ANKRD26: variants seen among roughly 807,000 people sequenced by gnomAD.
ANKRD26 encodes ankyrin repeat domain 26.
In ANKRD26, 141 loss-of-function variants were observed where a neutral mutation model predicts 208.7. That is an observed-to-expected ratio of 0.68 (90% CI 0.59 to 0.78). ANKRD26 has a LOEUF of 0.78. Ranked by LOEUF, ANKRD26 falls within the 30% of genes least tolerant of loss-of-function variation. The pLI, the probability that ANKRD26 is intolerant of heterozygous loss-of-function variation, is 0.00. For synonymous variants in ANKRD26, 636 were observed against 660.4 expected (o/e 0.96, Z 0.57); for missense variants, 1,889 against 1,938.7 (o/e 0.97, Z 0.48).
intron 33 of ANKRD26, among the ~76,000 whole-genome samples, chr10:27,006,627 A>G (rs370149683): frequency 4.6e-5 from 7 of 152,168 alleles, no homozygotes; most frequent in South Asian, 2.1e-4. Context: ...CTACAGTTCT[A>G]TGGGGATGGC....
chr10:27,053,939 T>TTACATCTTTATCATTG (rs1236358330), intron 15 of ANKRD26, among the ~76,000 whole-genome samples: 7 of 152,368 alleles, frequency 4.6e-5, no homozygotes, highest in African/African-American at 1.4e-4. Context: ...CTGCTACTTT[T>TTACATCTTTATCATTG]TACATCTTTA....
chr10:27,013,001 C>T lies in ANKRD26; in HGVS notation c.4834G>A (p.Val1612Met), dbSNP rs751471164. Residue 1612 changes from valine to methionine, a missense_variant, in exon 32 of 34, where the codon GTG becomes ATG. Val to Met is a conservative substitution (Grantham distance 21). Coordinates refer to ENST00000376087, the MANE Select transcript of ANKRD26 (RefSeq NM_014915.3). Reference sequence around the variant, plus strand: ...TCTAAACTATTATTAAGATTTCCCACACAAGGTGGCTCCATGACTGGCCTG... The same window carrying T: ...TCTAAACTATTATTAAGATTTCCCATACAAGGTGGCTCCATGACTGGCCTG... ...TTRPVMEPPCVGNLNNSLDLN... is the reference protein window; with the variant it reads ...TTRPVMEPPCMGNLNNSLDLN... 9.3e-6 allele frequency: 15 copies of T among 1,613,956 alleles called. No homozygotes were observed. The highest frequency in any genetic ancestry group is 1.2e-5 in the Non-Finnish European group (14 of 1,179,990).
At position 27,066,508 on chromosome 10, in the gene ANKRD26, T is replaced by A. The variant is rs2135490694; in HGVS notation, c.1248A>T (p.Ile416=). 6.2e-7 allele frequency: 1 copy of A among 1,600,004 alleles called. No individual in the cohort carries two copies. Among genetic ancestry groups the A allele is most frequent in the Middle Eastern group, 1.7e-4 (1 of 6,032 alleles). The change falls in exon 11 of 34, where the codon ATA becomes ATT. Residue 416 remains isoleucine (I), a synonymous_variant. Transcript: ENST00000376087. ...GTACCTCAGAATCCCAAGGTGATTC[T>A]ATATCTTCCTCTTGTCCTAATCCTA... ...SALGLGQEED[I]ESPWDSESIS...
intron 18 of ANKRD26, among the ~76,000 whole-genome samples, chr10:27,045,539 T>C (rs571625970): frequency 6.6e-6 from 1 of 152,140 alleles, no homozygotes; most frequent in Non-Finnish European, 1.5e-5. Flanking sequence ...TAGTCTGTGA[T>C]AGATTGTCAA....
Position 27,035,074 on chromosome 10 carries a change from T to G in ANKRD26, c.3376A>C (p.Ile1126Leu). The change falls in exon 24 of 34, where the codon ATT (isoleucine) becomes CTT (leucine). Residue 1126 changes from isoleucine (I) to leucine (L), a missense_variant. By Grantham distance (5) the Ile-to-Leu change is conservative. Around this residue, in one of 3 missense-constraint regions of ANKRD26, gnomAD observed 613 missense variants for 648.2 expected, o/e 0.95. Transcript: ENST00000376087. ...QNEQVKVNKY[I>L]GKQESVEERL... ...TCCTCTACAGACTCCTGCTTTCCAA[T>G]GTATTTATTCACTTTAACTTGTTCA... The G allele has an allele frequency of 1.2e-6, 2 of 1,613,368 alleles. No individual in the cohort carries two copies.
At chr10:27,060,257 T>C in intron 15 of ANKRD26, 88 bp downstream of exon 15, 1 of 1,254,166 alleles carries the variant, frequency 8.0e-7, no homozygotes, top group East Asian at 2.3e-5. Flanking sequence ...AAAAAAGAAT[T>C]AGGAATAAGA....
rs373540973 is a variant in ANKRD26, at chr10:27,077,417, A to G, written c.998T>C (p.Phe333Ser). The G allele has an allele frequency of 6.2e-7, 1 of 1,613,928 alleles. No homozygotes were observed. ...LPTTSIKVQC[F>S]SHPTYQSPDL... ...AGGTGATTGATAGGTAGGATGAGAA[A>G]AGCACTGGACTTTGATTGATGTTGT... Residue 333 changes from phenylalanine (F) to serine (S), a missense_variant, in exon 9 of 34, where the codon TTT becomes TCT. Transcript: ENST00000376087.
At position 27,037,100 on chromosome 10, in the gene ANKRD26, T is replaced by C. The variant is rs1193685035; in HGVS notation, c.2697+86A>G. The C allele has an allele frequency of 1.0e-5, 14 of 1,366,016 alleles. No homozygotes were observed. In the Admixed American group the frequency reaches 2.1e-4, roughly 20 times the overall value. The allele number at this position is 1,366,016 out of a possible 1,614,324, so 84.6% of individuals were successfully genotyped here. ...TAAAAATCCTCGACACTTTCCAAGA[T>C]GCATATATAGTTGGTTTTTAAAATA... On this transcript the variant is annotated intron_variant, in intron 23 of 33. Coordinates refer to ENST00000376087, the MANE Select transcript of ANKRD26 (RefSeq NM_014915.3).
Position 27,024,846 on chromosome 10 carries a change from C to T in ANKRD26, c.3973-287G>A, listed in dbSNP as rs895004883. ...TTTTTAAAAAGTTATTTTAGATGTA[C>T]GTTCTCATTTCTGAAGTTGCTCTAG... On this transcript the variant is annotated intron_variant, in intron 27 of 33. Coordinates refer to ENST00000376087, the MANE Select transcript of ANKRD26 (RefSeq NM_014915.3). Among the ~76,000 whole-genome samples the T allele has an allele frequency of 3.3e-5, 5 of 152,174 alleles. No individual in the cohort carries two copies. The East Asian group carries it at 5.8e-4, about 18-fold the overall frequency.
Position 27,030,605 on chromosome 10 carries a change from G to A in ANKRD26, c.3808-1249C>T, listed in dbSNP as rs532419397. On this transcript the variant is annotated intron_variant, in intron 25 of 33. Coordinates refer to ENST00000376087, the MANE Select transcript of ANKRD26 (RefSeq NM_014915.3). ...ATCTACGGATCCCAGCTCTGGCTACGTAATAAAGAAATGGAAATGTAGATT... is the reference window on the plus strand; with the variant it reads ...ATCTACGGATCCCAGCTCTGGCTACATAATAAAGAAATGGAAATGTAGATT... 1,153 of 985,154 alleles carry A rather than the reference G, an allele frequency of 1.2e-3. No individual in the cohort carries two copies. Among genetic ancestry groups the A allele is most frequent in the Middle Eastern group, 2.1e-3 (4 of 1,914 alleles). 61.0% of individuals were successfully genotyped at this position (985,154 alleles called of 1,614,324 possible).
In ANKRD26 at chr10:27,014,730, A is replaced by C; in HGVS notation, c.4507-19T>G. On this transcript the variant is annotated intron_variant, in intron 30 of 33. Transcript: ENST00000376087. ...CTTGTGCCTAAAACAAATTAAAAGC[A>C]TATGTTTTAAAAATATATAACCTGA... 6.3e-7 allele frequency: 1 copy of C among 1,596,210 alleles called. No homozygotes were observed. Among genetic ancestry groups the C allele is most frequent in the Non-Finnish European group, 8.6e-7 (1 of 1,166,518 alleles).
chr10:27,044,489 T>C (rs757527124), intron 18 of ANKRD26, among the ~76,000 whole-genome samples: 1 of 151,338 alleles, frequency 6.6e-6, no homozygotes, highest in African/African-American at 2.4e-5. Context: ...ATAGTGTTAC[T>C]TGCATTATTC....
At chr10:27,042,815 A>T (rs1046314031) in intron 20 of ANKRD26, among the ~76,000 whole-genome samples, 2 of 149,292 alleles carry the variant, frequency 1.3e-5, no homozygotes, top group African/African-American at 4.9e-5. Context: ...AAAAAAAAAA[A>T]AAAAGCTGGG....
chr10:27,084,218 C>CAAAAAAAAAA (rs1275450082), intron 5 of ANKRD26, among the ~76,000 whole-genome samples: 1 of 82,464 alleles, frequency 1.2e-5, no homozygotes, highest in Non-Finnish European at 2.9e-5. Flanking sequence ...AACTACATCT[C>CAAAAAAAAAA]AAAAAAAAAA....
intron 5 of ANKRD26, among the ~76,000 whole-genome samples, chr10:26,993,702 C>T (rs2052530010): frequency 6.6e-6 from 1 of 152,140 alleles, no homozygotes; most frequent in Non-Finnish European, 1.5e-5. Context: ...TTTTCTTACA[C>T]CAGCACTGAG....
At chr10:26,970,417 G>C (rs74128506), downstream of ANKRD26, among the ~76,000 whole-genome samples, 11,611 of 152,078 alleles carry the variant, frequency 0.076, 1,045 homozygotes, top group African/African-American at 0.22. Context: ...GCTAGTGAGT[G>C]ACTTCTTGTG....
intron 24 of ANKRD26, 119 bp downstream of exon 24, chr10:27,034,677 C>A: frequency 1.6e-6 from 1 of 644,304 alleles, no homozygotes; most frequent in East Asian, 2.9e-5. Flanking sequence ...AGGGATGTTT[C>A]TAAACTGATA....
At chr10:26,965,861 G>A in the ANKRD26 span, among the ~76,000 whole-genome samples, 1 of 152,054 alleles carries the variant, frequency 6.6e-6, no homozygotes, top group Non-Finnish European at 1.5e-5. Context: ...TATTTATGCA[G>A]CCAAGAAACA....
At chr10:26,966,615 GA>G in the ANKRD26 span, among the ~76,000 whole-genome samples, 1 of 152,040 alleles carries the variant, frequency 6.6e-6, no homozygotes, top group Non-Finnish European at 1.5e-5. Context: ...AAGAAATAAA[GA>G]AAAAAATTGT....
Sources: gnomAD v4.1 joint callset for allele counts (sites outside exome capture counted in the v4.1 genomes callset) on GRCh38, gnomAD v4.1.1 for gene constraint, gnomAD v4.1.1 regional missense constraint, MANE v1.5 for transcripts, NCBI Gene and HGNC (gene_info 2026-07-23, HGNC 2026-07-21) for gene names.